Variants in CRB1 observed in about 807,000 individuals in gnomAD.
CRB1 encodes crumbs cell polarity complex component 1.
A neutral mutation model predicts 120.0 loss-of-function variants in CRB1; 83 were observed. The ratio of observed to expected loss-of-function variants is 0.69; its 90% CI spans 0.58 to 0.83. The LOEUF (loss-of-function observed/expected upper bound fraction) is 0.83, where lower values mean the gene tolerates loss of function less well. Ranked by LOEUF, CRB1 falls within the 40% of genes least tolerant of loss-of-function variation. The probability of loss-of-function intolerance (pLI) is 0.00; values close to 1 mark genes in which losing one functional copy is unlikely to be tolerated. For synonymous variants in CRB1, 625 were observed against 612.5 expected (o/e 1.02, Z -0.30); for missense variants, 1,699 against 1,687.6 (o/e 1.01, Z -0.12).
upstream of CRB1, among the ~76,000 whole-genome samples, chr1:197,266,935 A>G (rs1654658791): frequency 6.6e-6 from 1 of 152,138 alleles, no homozygotes; most frequent in Non-Finnish European, 1.5e-5. Flanking sequence ...AATGGAGATC[A>G]AGTTGGTTCA....
chr1:197,370,790 C>T (rs533833724), intron 5 of CRB1, among the ~76,000 whole-genome samples: 2 of 152,160 alleles, frequency 1.3e-5, no homozygotes, highest in African/African-American at 4.8e-5. Context: ...TCCTACCTCA[C>T]GGTACCTTCT....
chr1:197,400,055 T>C (rs1032881858), intron 5 of CRB1, among the ~76,000 whole-genome samples: 1 of 152,084 alleles, frequency 6.6e-6, no homozygotes, highest in Non-Finnish European at 1.5e-5. Context: ...ATGGGGATCA[T>C]TGGGAGCTAT....
chr1:197,252,566 ATATATATATATATATATGTGTGTGTGTG>A, the CRB1 span, among the ~76,000 whole-genome samples: 7 of 45,724 alleles, frequency 1.5e-4, no homozygotes, highest in East Asian at 2.6e-3. Flanking sequence ...ATATATATAT[ATATATATATATATATATGTGTGTGTGTG>A]TGTGTGTGTG....
At chr1:197,364,910 A>G (rs567292401) in intron 5 of CRB1, among the ~76,000 whole-genome samples, 2 of 151,874 alleles carry the variant, frequency 1.3e-5, no homozygotes, top group Admixed American at 6.6e-5. Flanking sequence ...TTCTCATTCA[A>G]GTTATGGTTT....
chr1:197,242,623 T>C, the CRB1 span, among the ~76,000 whole-genome samples: 1 of 152,188 alleles, frequency 6.6e-6, no homozygotes, highest in Non-Finnish European at 1.5e-5. Flanking sequence ...ATCAGAGATA[T>C]TGGCCTGAAA....
At chr1:197,305,441 G>A (rs1433243530) in intron 1 of CRB1, among the ~76,000 whole-genome samples, 2 of 151,960 alleles carry the variant, frequency 1.3e-5, no homozygotes, top group African/African-American at 2.4e-5. Flanking sequence ...CTGATACAAT[G>A]AATTAGAATG....
chr1:197,294,163 A>G (rs540130056), intron 1 of CRB1, among the ~76,000 whole-genome samples: 1 of 152,192 alleles, frequency 6.6e-6, no homozygotes, highest in Admixed American at 6.5e-5. Flanking sequence ...CAATCTGCAC[A>G]TCTGACAAAG....
At chr1:197,459,535 A>C (rs1666430257) in intron 11 of CRB1, among the ~76,000 whole-genome samples, 2 of 152,130 alleles carry the variant, frequency 1.3e-5, no homozygotes, top group African/African-American at 4.8e-5. Flanking sequence ...GGAACAAGGC[A>C]GTTCTCCAGG....
rs116906205 is a variant in CRB1, at chr1:197,359,639, A to G, written c.1171+2626A>G. Among the ~76,000 whole-genome samples the G allele has an allele frequency of 1.1e-4, 17 of 152,254 alleles. No homozygotes were observed. In the East Asian group the frequency reaches 3.1e-3, roughly 28 times the overall value. On this transcript the variant is annotated intron_variant, in intron 5 of 11. Transcript: ENST00000367400. Reference sequence around the variant, plus strand: ...AGGAGTAAAATTGCTGGTTCCTATGATAGTTTCAGGTTTAGTTTTCTAAGA... The same window carrying G: ...AGGAGTAAAATTGCTGGTTCCTATGGTAGTTTCAGGTTTAGTTTTCTAAGA...
At chr1:197,253,105 A>T in the CRB1 span, among the ~76,000 whole-genome samples, 1 of 152,010 alleles carries the variant, frequency 6.6e-6, no homozygotes, top group Admixed American at 6.6e-5. Flanking sequence ...TTGACTCTCT[A>T]AACTTTATGG....
chr1:197,371,110 T>C lies in CRB1; in HGVS notation c.1171+14097T>C, dbSNP rs140976580. Among the ~76,000 whole-genome samples, 1,061 of 152,298 alleles carry C rather than the reference T, an allele frequency of 7.0e-3. 5 individuals carry two copies. The highest frequency in any genetic ancestry group is 0.011 in the Non-Finnish European group (776 of 68,016). ...CTAGTCTGTTGTCTTAACCACTTTT[T>C]TTCCAGTCATTGCCTCACTTACCTT... On this transcript the variant is annotated intron_variant, in intron 5 of 11. Coordinates refer to ENST00000367400, the MANE Select transcript of CRB1 (RefSeq NM_201253.3).
intron 11 of CRB1, among the ~76,000 whole-genome samples, chr1:197,447,184 G>A (rs1448559749): frequency 1.3e-5 from 2 of 152,162 alleles, no homozygotes; most frequent in African/African-American, 4.8e-5. Flanking sequence ...TCTCATCTGA[G>A]CTGAACCAGG....
chr1:197,358,321 T>C (rs560423397), intron 5 of CRB1, among the ~76,000 whole-genome samples: 1 of 152,370 alleles, frequency 6.6e-6, no homozygotes, highest in Non-Finnish European at 1.5e-5. Context: ...TATAAATTAT[T>C]TTTTAAATAT....
intron 1 of CRB1, among the ~76,000 whole-genome samples, chr1:197,309,984 A>G (rs576021430): frequency 9.1e-4 from 139 of 152,246 alleles, no homozygotes; most frequent in African/African-American, 3.3e-3. Flanking sequence ...ACGTTTGCAC[A>G]CTGGCTGATG....
At chr1:197,367,784 A>AT (rs1420006157) in intron 5 of CRB1, among the ~76,000 whole-genome samples, 2 of 152,060 alleles carry the variant, frequency 1.3e-5, no homozygotes, top group Non-Finnish European at 2.9e-5. Context: ...TGAGGCTGGG[A>AT]TTTTATTCTA....
chr1:197,260,877 A>G, the CRB1 span, among the ~76,000 whole-genome samples: 4 of 152,176 alleles, frequency 2.6e-5, no homozygotes, highest in Non-Finnish European at 5.9e-5. Context: ...TTGTATTTTT[A>G]GTAGAGATAG....
chr1:197,296,660 C>T (rs903272765), intron 1 of CRB1, among the ~76,000 whole-genome samples: 23 of 152,044 alleles, frequency 1.5e-4, no homozygotes, highest in African/African-American at 5.6e-4. Context: ...TTGGCTGTGT[C>T]CCCACCCAAA....
chr1:197,302,234 ATTATGACTTGC>A (rs1459333742), intron 1 of CRB1, among the ~76,000 whole-genome samples: 1 of 152,212 alleles, frequency 6.6e-6, no homozygotes, highest in Non-Finnish European at 1.5e-5. Context: ...CAGCAAAAAG[ATTATGACTTGC>A]TAAAGGCTGA....
chr1:197,361,290 A>G (rs958307397), intron 5 of CRB1, among the ~76,000 whole-genome samples: 3 of 150,430 alleles, frequency 2.0e-5, no homozygotes, highest in African/African-American at 4.9e-5. Context: ...TTAATTTTCT[A>G]TTTTCTGGAA....
Sources: gnomAD v4.1 joint callset for allele counts (sites outside exome capture counted in the v4.1 genomes callset) on GRCh38, gnomAD v4.1.1 for gene constraint, MANE v1.5 for transcripts, NCBI Gene and HGNC (gene_info 2026-07-23, HGNC 2026-07-21) for gene names.